The following KCNT2 variants were observed in gnomAD, a reference collection of about 807,000 sequenced individuals.
KCNT2 encodes the protein potassium sodium-activated channel subfamily T member 2, also known as potassium channel subfamily T member 2.
KCNT2 carries 67 observed loss-of-function variants against 153.8 expected under a neutral mutation model. That is an observed-to-expected ratio of 0.44 (90% CI 0.36 to 0.53). The LOEUF (loss-of-function observed/expected upper bound fraction) is 0.53, where lower values mean the gene tolerates loss of function less well. Among genes scored for constraint, KCNT2 ranks in the 20% least tolerant of loss-of-function variants. The pLI is 0.00. For missense variants in KCNT2, 975 were observed against 1,354.8 expected, an observed-to-expected ratio of 0.72 and a Z score of 4.40; for synonymous variants, 500 against 458.8, an observed-to-expected ratio of 1.09 and a Z score of -1.15.
rs774413959 is a variant in KCNT2, at chr1:196,228,209, C to G, written c.*15G>C. The G allele has an allele frequency of 3.3e-6, 5 of 1,528,418 alleles. No individual in the cohort carries two copies. The African/African-American group carries it at 4.1e-5, about 13-fold the overall frequency. The allele number at this position is 1,528,418 out of a possible 1,614,324, so 94.7% of individuals were successfully genotyped here. On this transcript the variant is annotated 3_prime_UTR_variant, in exon 28 of 28. Transcript: ENST00000294725. ...CAAGGTCTTTGTAGGAAAAAAGTTT[C>G]TCATTTTATTTTTATCAAAGTTGAG...
intron 18 of KCNT2, among the ~76,000 whole-genome samples, chr1:196,328,400 ATT>A (rs753893777): frequency 1.2e-4 from 19 of 152,102 alleles, no homozygotes; most frequent in Admixed American, 3.9e-4. Context: ...TCTAACATTT[ATT>A]TAATCAGAAT....
intron 25 of KCNT2, among the ~76,000 whole-genome samples, chr1:196,274,252 A>G (rs1658347234): frequency 6.6e-6 from 1 of 151,662 alleles, no homozygotes; most frequent in Non-Finnish European, 1.5e-5. Flanking sequence ...ACAATAGTCT[A>G]TTCATTTTTG....
At chr1:196,410,153 TCG>T (rs376655990) in intron 12 of KCNT2, among the ~76,000 whole-genome samples, 8,730 of 151,222 alleles carry the variant, frequency 0.058, 392 homozygotes, top group Non-Finnish European at 0.085. Flanking sequence ...TTATTTCCTT[TCG>T]TGTGTGTGTG....
At chr1:196,271,004 C>T (rs1312154516) in intron 25 of KCNT2, among the ~76,000 whole-genome samples, 1 of 151,468 alleles carries the variant, frequency 6.6e-6, no homozygotes, top group African/African-American at 2.4e-5. Context: ...ACCTCCCCAA[C>T]CATACACAAA....
chr1:196,394,443 T>G (rs955166242), intron 13 of KCNT2, among the ~76,000 whole-genome samples: 1 of 151,606 alleles, frequency 6.6e-6, no homozygotes, highest in Non-Finnish European at 1.5e-5. Context: ...AAAGCATGAC[T>G]CACAGGTTTT....
chr1:196,429,817 CATT>C lies in KCNT2; in HGVS notation c.639-63_639-61del. Reference sequence around the variant, plus strand: ...TCAAACTGGACACATAATTTCTCATCATTATTCTTTTGAAAGCCAAAGCACATT... The same window carrying C: ...TCAAACTGGACACATAATTTCTCATCATTCTTTTGAAAGCCAAAGCACATT... On this transcript the variant is annotated intron_variant, in intron 8 of 27. Coordinates refer to ENST00000294725, the MANE Select transcript of KCNT2 (RefSeq NM_198503.5). 3.3e-6 allele frequency: 4 copies of C among 1,220,806 alleles called. No homozygotes were observed. In the South Asian group the frequency reaches 4.7e-5, roughly 14 times the overall value. The allele number at this position is 1,220,806 out of a possible 1,614,324, so 75.6% of individuals were successfully genotyped here. A position where few individuals can be genotyped will look rare whatever the true frequency, so the allele number is the denominator to read the frequency against.
intron 25 of KCNT2, among the ~76,000 whole-genome samples, chr1:196,279,976 C>A (rs770182626): frequency 6.6e-6 from 1 of 151,896 alleles, no homozygotes; most frequent in Non-Finnish European, 1.5e-5. Flanking sequence ...CTGATCTGAG[C>A]CTCAAAGTTG....
At chr1:196,560,703 C>T (rs1210868520) in intron 1 of KCNT2, among the ~76,000 whole-genome samples, 5 of 151,342 alleles carry the variant, frequency 3.3e-5, no homozygotes, top group Non-Finnish European at 7.4e-5. Flanking sequence ...GTTTTTTCTT[C>T]CCCCCTCTGG....
chr1:196,277,887 C>T (rs1658724224), intron 25 of KCNT2, among the ~76,000 whole-genome samples: 2 of 151,754 alleles, frequency 1.3e-5, no homozygotes, highest in Admixed American at 6.6e-5. Context: ...AAAAAAAAAC[C>T]TCAATGTCTT....
At chr1:196,408,588 C>A (rs1420626494) in intron 12 of KCNT2, among the ~76,000 whole-genome samples, 1 of 151,556 alleles carries the variant, frequency 6.6e-6, no homozygotes, top group Non-Finnish European at 1.5e-5. Context: ...GCATTCCATA[C>A]AATTTAATGC....
chr1:196,287,798 T>C (rs1659807448), intron 22 of KCNT2, among the ~76,000 whole-genome samples: 1 of 152,100 alleles, frequency 6.6e-6, no homozygotes, highest in Non-Finnish European at 1.5e-5. Flanking sequence ...CAGTATCTTA[T>C]CAGTTAATAG....
At chr1:196,473,270 C>CA (rs1245412555) in intron 5 of KCNT2, among the ~76,000 whole-genome samples, 2 of 152,166 alleles carry the variant, frequency 1.3e-5, no homozygotes, top group African/African-American at 4.8e-5. Context: ...ATCTGACCCC[C>CA]ACATTAGGCT....
intron 25 of KCNT2, among the ~76,000 whole-genome samples, chr1:196,272,652 G>C (rs956538622): frequency 1.3e-5 from 2 of 151,842 alleles, no homozygotes; most frequent in African/African-American, 2.4e-5. Context: ...CACAGGAAGC[G>C]ATTAACGCCC....
chr1:196,518,017 A>G lies in KCNT2; in HGVS notation c.96-25676T>C, dbSNP rs1039373967. Among the ~76,000 whole-genome samples, 16 of 152,314 alleles carry G rather than the reference A, an allele frequency of 1.1e-4. No individual in the cohort carries two copies. The East Asian group carries it at 1.7e-3, about 17-fold the overall frequency. ...GAATATTAAAGGCAGCTAGAGAGAA[A>G]GGGCAGGTCACATACATAGGAAACC... On this transcript the variant is annotated intron_variant, in intron 1 of 27. Transcript: ENST00000294725.
intron 12 of KCNT2, among the ~76,000 whole-genome samples, chr1:196,411,717 A>G (rs1360904643): frequency 6.6e-6 from 1 of 151,756 alleles, no homozygotes; most frequent in African/African-American, 2.4e-5. Context: ...CTTTTACTAA[A>G]TTGATTTATT....
intron 1 of KCNT2, among the ~76,000 whole-genome samples, chr1:196,513,179 C>G (rs1285631567): frequency 6.6e-6 from 1 of 152,190 alleles, no homozygotes; most frequent in Non-Finnish European, 1.5e-5. Flanking sequence ...GATTAAACCT[C>G]AAGCTCCACT....
At chr1:196,316,095 C>A in intron 20 of KCNT2, 69 bp from the exon 21 acceptor site, 1 of 1,393,942 alleles carries the variant, frequency 7.2e-7, no homozygotes, top group Non-Finnish European at 9.9e-7. Context: ...GTGCTAAAGT[C>A]TAGCACTATC....
Position 196,373,247 on chromosome 1 carries a change from A to T in KCNT2, c.1296T>A (p.Asp432Glu). The change falls in exon 14 of 28, where the codon GAT becomes GAA. Residue 432 changes from aspartate to glutamate, a missense_variant and splice_region_variant. Physicochemically the swap from Asp to Glu is conservative, Grantham distance 45. Around this residue, in one of 6 missense-constraint regions of KCNT2, gnomAD observed 202 missense variants for 314.9 expected, o/e 0.64. Transcript: ENST00000294725. ...PENKFHIKFA[D>E]HVVCEEEFKY... ...TAAACTCTTCTTCACAAACAACATG[A>T]TCTGTTTGAAATAAAATAGGTAAAT... The T allele has an allele frequency of 1.5e-6, 2 of 1,345,390 alleles. No individual in the cohort carries two copies. The highest frequency in any genetic ancestry group is 2.1e-6 in the Non-Finnish European group (2 of 938,422). 83.3% of individuals were successfully genotyped at this position (1,345,390 alleles called of 1,614,324 possible). A position where few individuals can be genotyped will look rare whatever the true frequency, so the allele number is the denominator to read the frequency against.
intron 1 of KCNT2, among the ~76,000 whole-genome samples, chr1:196,520,208 C>A (rs1278587200): frequency 6.6e-6 from 1 of 152,096 alleles, no homozygotes; most frequent in Non-Finnish European, 1.5e-5. Context: ...ATAAAAACCA[C>A]ATGATCATCT....
Sources: gnomAD v4.1 joint callset for allele counts (sites outside exome capture counted in the v4.1 genomes callset) on GRCh38, gnomAD v4.1.1 for gene constraint, gnomAD v4.1.1 regional missense constraint, MANE v1.5 for transcripts, NCBI Gene and HGNC (gene_info 2026-07-23, HGNC 2026-07-21) for gene names.